Variants in VPS8 observed in about 807,000 individuals in gnomAD.
The protein encoded by VPS8 is VPS8 subunit of CORVET complex.
VPS8 carries 129 observed loss-of-function variants against 216.4 expected under a neutral mutation model. That is an observed-to-expected ratio of 0.60 (90% CI 0.52 to 0.69). The LOEUF (loss-of-function observed/expected upper bound fraction) is 0.69, where lower values mean the gene tolerates loss of function less well. Ranked by LOEUF, VPS8 falls within the 30% of genes least tolerant of loss-of-function variation. The probability of loss-of-function intolerance (pLI) is 0.00; values close to 1 mark genes in which losing one functional copy is unlikely to be tolerated. For synonymous variants in VPS8, 571 were observed against 565.4 expected (o/e 1.01, Z -0.14); for missense variants, 1,531 against 1,683.5 (o/e 0.91, Z 1.59).
At chr3:184,943,457 C>T (rs1168502003) in intron 36 of VPS8, among the ~76,000 whole-genome samples, 2 of 152,134 alleles carry the variant, frequency 1.3e-5, no homozygotes, top group African/African-American at 4.8e-5. Context: ...AGAGTCTTTT[C>T]AGGTACTGGG....
chr3:184,964,132 T>A (rs981376200), intron 37 of VPS8, among the ~76,000 whole-genome samples: 1 of 152,130 alleles, frequency 6.6e-6, no homozygotes, highest in African/African-American at 2.4e-5. Context: ...TCATTTTCAA[T>A]TTTTTAATAA....
chr3:185,051,941 G>A lies in VPS8; in HGVS notation c.4203G>A (p.Ser1401=), dbSNP rs200539755. The A allele has an allele frequency of 1.7e-4, 271 of 1,612,476 alleles. 2 individuals are homozygous for A. Among genetic ancestry groups the A allele is most frequent in the Non-Finnish European group, 1.7e-4 (203 of 1,179,518 alleles). ...SSESYRPFSG[S]QSAPAFNSIF... Reference sequence around the variant, plus strand: ...AGAGCTATAGGCCATTCAGTGGCTCGCAGAGTGCTCCTGCTTTCAACAGCA... The same window carrying A: ...AGAGCTATAGGCCATTCAGTGGCTCACAGAGTGCTCCTGCTTTCAACAGCA... Residue 1401 remains serine (S), a synonymous_variant, in exon 48 of 48, where the codon TCG becomes TCA. Coordinates refer to ENST00000625842, the MANE Select transcript of VPS8 (RefSeq NM_001009921.3).
intron 8 of VPS8, 184 bp from the exon 9 acceptor site, chr3:184,848,887 A>G: frequency 1.9e-6 from 1 of 526,794 alleles, no homozygotes; most frequent in Non-Finnish European, 3.2e-6. Flanking sequence ...CTGTATTTTT[A>G]AGTGTCTAAT....
At chr3:184,998,010 G>A (rs1002376357) in intron 44 of VPS8, among the ~76,000 whole-genome samples, 4 of 152,198 alleles carry the variant, frequency 2.6e-5, no homozygotes, top group Non-Finnish European at 2.9e-5. Context: ...ACCATGAGGC[G>A]GGAGAGCCTT....
chr3:185,046,444 C>T (rs933701286), intron 46 of VPS8, among the ~76,000 whole-genome samples: 2 of 152,070 alleles, frequency 1.3e-5, no homozygotes, highest in South Asian at 4.2e-4. Flanking sequence ...CTCATGGTGC[C>T]CACCTCTTCC....
At chr3:184,990,743 C>T (rs541226831) in intron 42 of VPS8, among the ~76,000 whole-genome samples, 74 of 152,314 alleles carry the variant, frequency 4.9e-4, no homozygotes, top group Non-Finnish European at 9.0e-4. Context: ...ATACCCACCT[C>T]ACTGTATCAG....
intron 45 of VPS8, among the ~76,000 whole-genome samples, chr3:185,006,409 C>G (rs201204534): frequency 6.6e-6 from 1 of 152,012 alleles, no homozygotes; most frequent in East Asian, 1.9e-4. Context: ...TTTGTAAGAC[C>G]ATCATCACCC....
Position 184,839,663 on chromosome 3 carries a change from A to G in VPS8, c.481-35A>G, listed in dbSNP as rs192612483. 7 of 1,567,704 alleles carry G rather than the reference A, an allele frequency of 4.5e-6. No individual in the cohort carries two copies. The Admixed American group carries it at 1.1e-4, about 25-fold the overall frequency. On this transcript the variant is annotated intron_variant, in intron 6 of 47. Transcript: ENST00000625842. ...TGATTATTTCAAGATTCTTAATGTA[A>G]TGTCTTAAAACGTAATCTTCCCTTT...
intron 8 of VPS8, among the ~76,000 whole-genome samples, chr3:184,847,230 C>G (rs1723301626): frequency 6.6e-6 from 1 of 152,066 alleles, no homozygotes; most frequent in African/African-American, 2.4e-5. Flanking sequence ...TTTCAGAACT[C>G]TTTTTTGGGA....
rs1170764737 is a variant in VPS8, at chr3:184,928,448, C to T, written c.2632-3C>T. The T allele has an allele frequency of 2.0e-6, 3 of 1,531,450 alleles. No homozygotes were observed. The highest frequency in any genetic ancestry group is 1.4e-5 in the African/African-American group (1 of 69,194). 94.9% of individuals were successfully genotyped at this position (1,531,450 alleles called of 1,614,324 possible). The stretch of plus-strand genomic sequence containing the variant: ...TTTTTACTCATTTATTGTAAATACT[C>T]AGGTCCTTTTAGAATTGCTGCAGGC... On this transcript the variant is annotated splice_region_variant and splice_polypyrimidine_tract_variant and intron_variant, in intron 31 of 47. Coordinates refer to ENST00000625842, the MANE Select transcript of VPS8 (RefSeq NM_001009921.3).
At chr3:184,963,500 G>T (rs1198247370) in intron 37 of VPS8, among the ~76,000 whole-genome samples, 1 of 152,020 alleles carries the variant, frequency 6.6e-6, no homozygotes, top group Non-Finnish European at 1.5e-5. Flanking sequence ...AAATGTTACT[G>T]ATTTTTGTAC....
intron 22 of VPS8, among the ~76,000 whole-genome samples, chr3:184,886,508 T>C (rs1044552639): frequency 2.0e-5 from 3 of 149,704 alleles, no homozygotes; most frequent in Admixed American, 6.7e-5. Flanking sequence ...CATATATATA[T>C]ACACACACAC....
chr3:184,966,025 T>C lies in VPS8; in HGVS notation c.3274-646T>C, dbSNP rs144869253. ...TTCTGTGTTGCTCTAGAGGAATACTTGAGGCTGGGTAATTTTTAAGGAAAA... is the reference window on the plus strand; with the variant it reads ...TTCTGTGTTGCTCTAGAGGAATACTCGAGGCTGGGTAATTTTTAAGGAAAA... On this transcript the variant is annotated intron_variant, in intron 38 of 47. Coordinates refer to ENST00000625842, the MANE Select transcript of VPS8 (RefSeq NM_001009921.3). 2.8e-3 allele frequency among the ~76,000 whole-genome samples: 429 copies of C among 152,280 alleles called. 2 individuals are homozygous for C. Among genetic ancestry groups the C allele is most frequent in the African/African-American group, 0.01 (422 of 41,536 alleles).
chr3:184,961,334 G>A (rs966230757), intron 37 of VPS8, among the ~76,000 whole-genome samples: 6 of 152,132 alleles, frequency 3.9e-5, no homozygotes, highest in African/African-American at 1.4e-4. Flanking sequence ...ACAGTTGCCT[G>A]TATTTTCTGC....
intron 11 of VPS8, 115 bp from the exon 12 acceptor site, chr3:184,853,742 A>G: frequency 9.6e-7 from 1 of 1,040,744 alleles, no homozygotes; most frequent in Middle Eastern, 2.1e-4. Context: ...TGGAGCTTGG[A>G]TTGTTGGGGG....
intron 25 of VPS8, among the ~76,000 whole-genome samples, chr3:184,912,987 G>T (rs1182926524): frequency 6.6e-6 from 1 of 152,168 alleles, no homozygotes; most frequent in Non-Finnish European, 1.5e-5. Context: ...TCTTTAGTCA[G>T]AGAACAGGCT....
chr3:184,836,580 T>C lies in VPS8; in HGVS notation c.447+1838T>C, dbSNP rs75212102. Among the ~76,000 whole-genome samples the C allele has an allele frequency of 2.5e-4, 38 of 152,356 alleles. No individual in the cohort carries two copies. The East Asian group carries it at 4.8e-3, about 19-fold the overall frequency. On this transcript the variant is annotated intron_variant, in intron 5 of 47. Transcript: ENST00000625842. ...TTGCTATGGCTGAGCTCCTTTGGTA[T>C]GTTAAAATGAAAACTGCCTTTCCTG...
chr3:184,943,613 G>A (rs1258502625), intron 36 of VPS8, among the ~76,000 whole-genome samples: 1 of 152,148 alleles, frequency 6.6e-6, no homozygotes, highest in Admixed American at 6.5e-5. Flanking sequence ...TTAAGCAATA[G>A]ATATTTTTAA....
chr3:184,909,429 T>TTTGA (rs1213766768), intron 25 of VPS8, among the ~76,000 whole-genome samples: 11 of 152,300 alleles, frequency 7.2e-5, no homozygotes, highest in African/African-American at 2.6e-4. Flanking sequence ...TTCTCTGGGT[T>TTTGA]TTGATTGTGT....
Sources: allele counts gnomAD v4.1 joint callset (sites outside exome capture counted in the v4.1 genomes callset), GRCh38; gene constraint gnomAD v4.1.1; transcripts MANE v1.5; gene names NCBI Gene and HGNC (gene_info 2026-07-23, HGNC 2026-07-21).